The following SFMBT2 variants were observed in gnomAD, a reference collection of about 807,000 sequenced individuals.
The protein encoded by SFMBT2 is scm-like with four MBT domains protein 2.
Under a neutral mutation model 110.1 loss-of-function variants are expected in SFMBT2, and 38 were observed. That is an observed-to-expected ratio of 0.35 (90% confidence interval 0.27 to 0.45). SFMBT2 has a LOEUF of 0.45. Ranked by LOEUF, SFMBT2 falls within the 20% of genes least tolerant of loss-of-function variation. The pLI is 1.00. For missense variants in SFMBT2, 1,011 were observed against 1,094.9 expected, an observed-to-expected ratio of 0.92 and a Z score of 1.08; for synonymous variants, 425 against 425.4, an observed-to-expected ratio of 1.00 and a Z score of 0.01.
intron 7 of SFMBT2, among the ~76,000 whole-genome samples, chr10:7,260,757 T>C (rs1564409737): frequency 6.6e-6 from 1 of 151,902 alleles, no homozygotes; most frequent in Non-Finnish European, 1.5e-5. Flanking sequence ...CTTAGTACAA[T>C]AAAAAAATCA....
chr10:7,257,564 A>G (rs1160256624), intron 7 of SFMBT2, among the ~76,000 whole-genome samples: 1 of 152,222 alleles, frequency 6.6e-6, no homozygotes, highest in Non-Finnish European at 1.5e-5. Context: ...GTGAGTATTA[A>G]TCTACAGACA....
chr10:7,286,150 T>C (rs74981524), intron 4 of SFMBT2, among the ~76,000 whole-genome samples, 196 bp from the exon 5 acceptor site: 4,062 of 152,314 alleles, frequency 0.027, 188 homozygotes, highest in African/African-American at 0.093. Context: ...AAGTAGCAAC[T>C]TGACACATAC....
intron 11 of SFMBT2, 168 bp from the exon 12 acceptor site, chr10:7,206,096 G>T (rs1839128432): frequency 1.0e-6 from 1 of 985,242 alleles, no homozygotes; most frequent in Admixed American, 6.1e-5. Flanking sequence ...CTTTAGAGGA[G>T]TCTTTAATCT....
chr10:7,279,747 T>A (rs1841896638), intron 6 of SFMBT2, among the ~76,000 whole-genome samples: 2 of 152,238 alleles, frequency 1.3e-5, no homozygotes, highest in Admixed American at 6.5e-5. Flanking sequence ...AAGGGTTTGA[T>A]GGGGCATTTC....
intron 1 of SFMBT2, among the ~76,000 whole-genome samples, chr10:7,385,800 C>A (rs898642787): frequency 6.6e-6 from 1 of 152,026 alleles, no homozygotes; most frequent in Admixed American, 6.6e-5. Context: ...GAGATCAAGA[C>A]CATCCTGGCT....
rs371250065 is a variant in SFMBT2 at position 7,339,889 on chromosome 10, G to A, written c.436+27760C>T. Among the ~76,000 whole-genome samples the A allele has an allele frequency of 7.9e-5, 12 of 152,156 alleles. 1 individual carries two copies. Among genetic ancestry groups the A allele is most frequent in the South Asian group, 4.1e-4 (2 of 4,824 alleles). On this transcript the variant is annotated intron_variant, in intron 4 of 20. Coordinates refer to ENST00000397167, the MANE Select transcript of SFMBT2 (RefSeq NM_001387889.1). ...ACCGGTGGCCAGAGTTCCCACAGCC[G>A]AGGCTCCAGGTACAGATGCTAAATG... is the stretch of plus-strand genomic sequence containing the variant.
rs117106180 is a variant in SFMBT2, at chr10:7,283,770, G to A, written c.772+134C>T. 5,797 of 727,722 alleles carry A rather than the reference G, an allele frequency of 8.0e-3. 45 individuals carry two copies. The highest frequency in any genetic ancestry group is 0.011 in the Non-Finnish European group (4,569 of 430,828). 45.1% of individuals were successfully genotyped at this position (727,722 alleles called of 1,614,324 possible). ...TAGTCTCTATGGAAAGCATTGTGAA[G>A]TTAAAGTGCTTAATATTCACATACT... On this transcript the variant is annotated intron_variant, in intron 6 of 20. Transcript: ENST00000397167.
At chr10:7,246,028 A>G (rs1840597013) in intron 8 of SFMBT2, 1 of 221,984 alleles carries the variant, frequency 4.5e-6, no homozygotes, top group Non-Finnish European at 7.6e-6. Context: ...GAGTATTCTG[A>G]TACCTCATTA....
At chr10:7,206,613 TG>T in intron 11 of SFMBT2, 2 of 975,514 alleles carry the variant, frequency 2.1e-6, no homozygotes, top group Non-Finnish European at 2.4e-6. Context: ...CCCACTAAAA[TG>T]TGGGACCTGA....
At chr10:7,205,669 G>A (rs17423681) in intron 12 of SFMBT2, 146 bp downstream of exon 12, 111,354 of 1,387,608 alleles carry the variant, frequency 0.08, 4,892 homozygotes, top group Non-Finnish European at 0.088. Flanking sequence ...AAGATTAAGC[G>A]AGATCATGAA....
In SFMBT2 at chr10:7,180,436, G is replaced by T. The variant is rs985441271; in HGVS notation, c.1809-4271C>A. Among the ~76,000 whole-genome samples, 18 of 151,982 alleles carry T rather than the reference G, an allele frequency of 1.2e-4. 1 individual carries two copies. Among genetic ancestry groups the T allele is most frequent in the African/African-American group, 4.4e-4 (18 of 41,378 alleles). ...TTACAGGCGTGAGTCACTGTGCCCAGCCCCCTTTAGGGTTTTGCAAAAAGC... is the reference window on the plus strand; with the variant it reads ...TTACAGGCGTGAGTCACTGTGCCCATCCCCCTTTAGGGTTTTGCAAAAAGC... On this transcript the variant is annotated intron_variant, in intron 16 of 20. Coordinates refer to ENST00000397167, the MANE Select transcript of SFMBT2 (RefSeq NM_001387889.1).
intron 20 of SFMBT2, among the ~76,000 whole-genome samples, chr10:7,168,461 C>A (rs1756448637): frequency 6.6e-6 from 1 of 152,152 alleles, no homozygotes; most frequent in Non-Finnish European, 1.5e-5. Flanking sequence ...AATGCCACAC[C>A]TTGTATCTTT....
At chr10:7,239,074 T>C (rs1224692016) in intron 9 of SFMBT2, among the ~76,000 whole-genome samples, 1 of 152,254 alleles carries the variant, frequency 6.6e-6, no homozygotes, top group Non-Finnish European at 1.5e-5. Flanking sequence ...ACAAATTTTT[T>C]TTTTAAGTAG....
rs112064617 is a variant in SFMBT2, at chr10:7,324,500, G to A, written c.437-38546C>T. On this transcript the variant is annotated intron_variant, in intron 4 of 20. Transcript: ENST00000397167. ...AGCCCAAACTGCAGCCGAGGATCTT[G>A]TGAACTCCACCCCAATCTGAGTTCC... Among the ~76,000 whole-genome samples, 47 of 152,296 alleles carry A rather than the reference G, an allele frequency of 3.1e-4. 2 individuals carry two copies. The highest frequency in any genetic ancestry group is 1.1e-3 in the African/African-American group (45 of 41,576).
chr10:7,341,619 AC>A (rs1222759843), intron 4 of SFMBT2, among the ~76,000 whole-genome samples: 1 of 152,194 alleles, frequency 6.6e-6, no homozygotes, highest in Non-Finnish European at 1.5e-5. Flanking sequence ...CATTTCGTAA[AC>A]AAAGACCCTC....
chr10:7,316,646 T>C (rs1588443072), intron 4 of SFMBT2, among the ~76,000 whole-genome samples: 1 of 152,190 alleles, frequency 6.6e-6, no homozygotes, highest in Admixed American at 6.5e-5. Flanking sequence ...TCAGCTCTCT[T>C]TCATTCCACA....
intron 7 of SFMBT2, among the ~76,000 whole-genome samples, chr10:7,249,945 C>T (rs771642442): frequency 3.3e-5 from 5 of 152,078 alleles, no homozygotes; most frequent in Admixed American, 2.6e-4. Flanking sequence ...AGACAGGATG[C>T]GGTCAAATAC....
chr10:7,253,327 G>A (rs1367055998), intron 7 of SFMBT2, among the ~76,000 whole-genome samples: 1 of 152,204 alleles, frequency 6.6e-6, no homozygotes, highest in Non-Finnish European at 1.5e-5. Context: ...AGTACAGGAA[G>A]CCCAGGACTT....
intron 12 of SFMBT2, chr10:7,204,988 T>C: frequency 1.1e-6 from 1 of 937,870 alleles, no homozygotes; most frequent in Non-Finnish European, 1.3e-6. Context: ...TTATTTGGTA[T>C]TTCTGTAACC....
Sources: gnomAD v4.1 joint callset for allele counts (sites outside exome capture counted in the v4.1 genomes callset) on GRCh38, gnomAD v4.1.1 for gene constraint, MANE v1.5 for transcripts, NCBI Gene and HGNC (gene_info 2026-07-23, HGNC 2026-07-21) for gene names.